MYB: variants seen among roughly 807,000 people sequenced by gnomAD.
MYB encodes the protein transcriptional activator Myb.
In MYB, 28 loss-of-function variants were observed where a neutral mutation model predicts 92.9. The observed-to-expected ratio is 0.30, with a 90% confidence interval of 0.22 to 0.41. The LOEUF (loss-of-function observed/expected upper bound fraction) is 0.41, where lower values mean the gene tolerates loss of function less well. MYB is among the 10% of genes least tolerant of loss of function. MYB has a pLI of 1.00. For missense variants in MYB, 679 were observed against 929.3 expected (o/e 0.73, Z 3.50); for synonymous variants, 295 against 329.1 (o/e 0.90, Z 1.12).
At chr6:135,206,227 ATAATAAT>A (rs1323172841) in intron 15 of MYB, among the ~76,000 whole-genome samples, 10 of 116,628 alleles carry the variant, frequency 8.6e-5, no homozygotes, top group African/African-American at 2.9e-4. Context: ...AAAAAAAAAA[ATAATAAT>A]AATAATAATA....
chr6:135,213,683 A>T (rs555690421), intron 15 of MYB, among the ~76,000 whole-genome samples: 128 of 152,234 alleles, frequency 8.4e-4, no homozygotes, highest in African/African-American at 2.8e-3. Context: ...GGAGGTTGAG[A>T]CTAGCCTGTG....
In MYB at chr6:135,194,400, G is replaced by A. The variant is rs751765795; in HGVS notation, c.888G>A (p.Lys296=). ...DEDPEKEKRI[K]ELELLLMSTE... is the part of the protein sequence containing the mutation. ...ACCCTGAGAAGGAAAAGCGAATAAA[G>A]GAATTAGAATTGCTCCTAATGTCAA... Residue 296 remains lysine (K), a synonymous_variant, in exon 8 of 16, where the codon AAG becomes AAA. Transcript: ENST00000341911. 3 of 1,613,826 alleles carry A rather than the reference G, an allele frequency of 1.9e-6. No homozygotes were observed. The highest frequency in any genetic ancestry group is 1.1e-5 in the South Asian group (1 of 91,070).
intron 3 of MYB, among the ~76,000 whole-genome samples, chr6:135,188,960 T>C (rs940236918): frequency 2.6e-5 from 4 of 152,202 alleles, no homozygotes; most frequent in Non-Finnish European, 4.4e-5. Context: ...GGCCCTCCTC[T>C]ATTGCCCCAA....
intron 1 of MYB, among the ~76,000 whole-genome samples, chr6:135,183,919 G>A (rs1321513984): frequency 6.6e-6 from 1 of 152,194 alleles, no homozygotes; most frequent in East Asian, 1.9e-4. Flanking sequence ...CTGAAGTCTT[G>A]AGAGAGAGGA....
chr6:135,211,673 G>C (rs1309615726), intron 15 of MYB, among the ~76,000 whole-genome samples: 3 of 152,144 alleles, frequency 2.0e-5, no homozygotes, highest in Admixed American at 6.6e-5. Context: ...CAACGTGAAA[G>C]GTGAAGAGAC....
In MYB at chr6:135,196,435, C is replaced by T. The variant is rs183140612; in HGVS notation, c.1203+433C>T. On this transcript the variant is annotated intron_variant, in intron 9 of 15. Coordinates refer to ENST00000341911, the MANE Select transcript of MYB (RefSeq NM_001130173.2). Reference sequence around the variant, plus strand: ...TTTGAACAGCACATTAATGATTTGGCTTACTCAGAGCTGAAAGCAATCTTT... The same window carrying T: ...TTTGAACAGCACATTAATGATTTGGTTTACTCAGAGCTGAAAGCAATCTTT... Among the ~76,000 whole-genome samples the T allele has an allele frequency of 3.8e-3, 574 of 152,142 alleles. 1 individual carries two copies. Among genetic ancestry groups the T allele is most frequent in the South Asian group, 6.0e-3 (29 of 4,826 alleles).
intron 15 of MYB, among the ~76,000 whole-genome samples, chr6:135,217,275 A>G (rs1583455470): frequency 6.6e-6 from 1 of 152,008 alleles, no homozygotes; most frequent in South Asian, 2.1e-4. Context: ...TAGCTGAGGT[A>G]GGAGGATCAC....
rs541839370 is a variant in MYB at position 135,190,093 on chromosome 6, A to T, written c.307-34A>T. On this transcript the variant is annotated intron_variant, in intron 4 of 15. Transcript: ENST00000341911. This position sits in a 1 kb window ranked among gnomAD's most constrained non-coding sequence, Gnocchi z 4.5. The stretch of plus-strand genomic sequence containing the variant: ...TTATACTGACTCATTACATAACTTT[A>T]AAACATAGGTTATTTTTGTGTGTTT... The T allele has an allele frequency of 1.3e-4, 203 of 1,599,840 alleles. 2 individuals carry two copies. In the South Asian group the frequency reaches 2.1e-3, roughly 17 times the overall value.
At chr6:135,203,533 G>T (rs1778435956) in intron 15 of MYB, 1 of 677,624 alleles carries the variant, frequency 1.5e-6, no homozygotes, top group Non-Finnish European at 2.4e-6. Context: ...AGACATGCTA[G>T]AAATTTTTAT....
At chr6:135,194,890 G>T in intron 8 of MYB, 1 of 1,224,632 alleles carries the variant, frequency 8.2e-7, no homozygotes, top group Non-Finnish European at 1.1e-6. Context: ...GTATATACAT[G>T]TAAAAGGTTA....
At chr6:135,195,348 CT>C in intron 8 of MYB, 2 of 238,816 alleles carry the variant, frequency 8.4e-6, no homozygotes, top group South Asian at 5.7e-5. Context: ...ACTCTAACTC[CT>C]GAGTCCTCTA....
At chr6:135,192,737 A>G (rs112691879) in intron 6 of MYB, among the ~76,000 whole-genome samples, 179 bp downstream of exon 6, 18 of 152,206 alleles carry the variant, frequency 1.2e-4, no homozygotes, top group African/African-American at 4.3e-4. Context: ...CCCCTGGTTT[A>G]TGTCTCCAGA....
chr6:135,184,851 AG>A (rs1388325447), intron 1 of MYB, among the ~76,000 whole-genome samples: 1 of 152,184 alleles, frequency 6.6e-6, no homozygotes, highest in African/African-American at 2.4e-5. Context: ...TCCTATTTTA[AG>A]TTTTATAAGA....
At chr6:135,207,439 C>G (rs1039184041) in intron 15 of MYB, among the ~76,000 whole-genome samples, 3 of 152,174 alleles carry the variant, frequency 2.0e-5, no homozygotes, top group Admixed American at 1.3e-4. Context: ...CTGCGCAATT[C>G]TGTGTTTTAT....
chr6:135,215,874 A>G (rs1461677636), intron 15 of MYB, among the ~76,000 whole-genome samples: 2 of 152,056 alleles, frequency 1.3e-5, no homozygotes, highest in Admixed American at 6.6e-5. Context: ...ACGGCCTGTT[A>G]TTATTCCTCC....
rs749590640 is a variant in MYB at position 135,192,420 on chromosome 6, A to G, written c.624A>G (p.Pro208=). Residue 208 remains proline, a synonymous_variant, in exon 6 of 16, where the codon CCA becomes CCG. Coordinates refer to ENST00000341911, the MANE Select transcript of MYB (RefSeq NM_001130173.2). ...AGGAGTCTTCAAAAGCCAGCCAGCCAGCAGTGGCCACAAGCTTCCAGAAGA... is the reference window on the plus strand; with the variant it reads ...AGGAGTCTTCAAAAGCCAGCCAGCCGGCAGTGGCCACAAGCTTCCAGAAGA... ...YLQESSKASQ[P]AVATSFQKNS... is the part of the protein sequence containing the mutation. The G allele has an allele frequency of 6.8e-6, 11 of 1,614,140 alleles. No individual in the cohort carries two copies. The highest frequency in any genetic ancestry group is 1.7e-5 in the Admixed American group (1 of 60,010).
chr6:135,218,044 C>T lies in MYB; in HGVS notation c.*64C>T. 1 of 1,301,436 alleles carries T rather than the reference C, an allele frequency of 7.7e-7. No homozygotes were observed. The highest frequency in any genetic ancestry group is 2.3e-5 in the East Asian group (1 of 43,166). 80.6% of individuals were successfully genotyped at this position (1,301,436 alleles called of 1,614,324 possible). ...CAAGTTGACTTGGGATATATCATTC[C>T]TCAACATGAAACTTTTCATGAATGG... On this transcript the variant is annotated 3_prime_UTR_variant, in exon 16 of 16. Transcript: ENST00000341911.
Position 135,194,477 on chromosome 6 carries a change from G to A in MYB, c.948+17G>A. 1 of 1,567,430 alleles carries A rather than the reference G, an allele frequency of 6.4e-7. No individual in the cohort carries two copies. Among genetic ancestry groups the A allele is most frequent in the Non-Finnish European group, 8.8e-7 (1 of 1,139,840 alleles). On this transcript the variant is annotated intron_variant, in intron 8 of 15. Transcript: ENST00000341911. Reference sequence around the variant, plus strand: ...GTGCTACCAGTAAGACTGTCATCATGTGCTTGAATGAGGGGATAGCAGCTT... The same window carrying A: ...GTGCTACCAGTAAGACTGTCATCATATGCTTGAATGAGGGGATAGCAGCTT...
chr6:135,200,575 G>A (rs973938197), intron 13 of MYB, 160 bp downstream of exon 13: 5 of 1,029,230 alleles, frequency 4.9e-6, no homozygotes, highest in African/African-American at 4.8e-5. Context: ...CAGACTGTAG[G>A]CATCATCAAC....
Sources: gnomAD v4.1 joint callset for allele counts (sites outside exome capture counted in the v4.1 genomes callset) on GRCh38, gnomAD v4.1.1 for gene constraint, Gnocchi (gnomAD v3.1) non-coding constraint, MANE v1.5 for transcripts, NCBI Gene and HGNC (gene_info 2026-07-23, HGNC 2026-07-21) for gene names.